Variants in ABLIM2 observed in about 807,000 individuals in gnomAD.
ABLIM2 encodes actin-binding LIM protein 2.
A neutral mutation model predicts 97.7 loss-of-function variants in ABLIM2; 53 were observed. That is an observed-to-expected ratio of 0.54 (90% CI 0.44 to 0.68). The LOEUF (loss-of-function observed/expected upper bound fraction) is 0.68. ABLIM2 is among the 30% of genes least tolerant of loss of function. The probability of loss-of-function intolerance (pLI) is 0.00; values close to 1 mark genes in which losing one functional copy is unlikely to be tolerated. For missense variants in ABLIM2, 835 were observed against 867.2 expected (o/e 0.96, Z 0.47); for synonymous variants, 361 against 345.8 (o/e 1.04, Z -0.49).
chr4:8,060,126 C>T (rs1802032924), intron 7 of ABLIM2, among the ~76,000 whole-genome samples: 3 of 152,098 alleles, frequency 2.0e-5, no homozygotes, highest in Non-Finnish European at 4.4e-5. Flanking sequence ...TGTGTTTCTT[C>T]CCCTTATAAG....
At position 8,045,034 on chromosome 4, in the gene ABLIM2, T is replaced by C; in HGVS notation, c.900+130A>G. 3 of 792,340 alleles carry C rather than the reference T, an allele frequency of 3.8e-6. No individual in the cohort carries two copies. The South Asian group carries it at 4.6e-5, about 12-fold the overall frequency. 49.1% of individuals were successfully genotyped at this position (792,340 alleles called of 1,614,324 possible). The stretch of plus-strand genomic sequence containing the variant: ...CACCCCGAAGCAGGGACAAGAGCAA[T>C]GGCCGTACCTCAGGCCCCAGATGAT... On this transcript the variant is annotated intron_variant, in intron 9 of 20. Coordinates refer to ENST00000447017, the MANE Select transcript of ABLIM2 (RefSeq NM_001130083.2).
chr4:8,058,054 G>A lies in ABLIM2; in HGVS notation c.763+2913C>T, dbSNP rs1179323979. On this transcript the variant is annotated intron_variant, in intron 7 of 20. Transcript: ENST00000447017. The surrounding 1 kb of genome is among the most constrained non-coding windows in gnomAD (Gnocchi z 4.2). The stretch of plus-strand genomic sequence containing the variant: ...CCACAGAACCTCACAGCAGAAGCGG[G>A]GGCTGGCCTCAGGCCAGTCCTGAAG... 2.0e-5 allele frequency among the ~76,000 whole-genome samples: 3 copies of A among 152,256 alleles called. No homozygotes were observed. Among genetic ancestry groups the A allele is most frequent in the Non-Finnish European group, 4.4e-5 (3 of 68,046 alleles).
At chr4:8,084,933 T>C (rs1399856830) in intron 4 of ABLIM2, among the ~76,000 whole-genome samples, 1 of 152,154 alleles carries the variant, frequency 6.6e-6, no homozygotes, top group Non-Finnish European at 1.5e-5. Flanking sequence ...ACGGCCGCCC[T>C]GTGACAGGCT....
rs1347028157 is a variant in ABLIM2, at chr4:8,147,767, C to T, written c.10+10913G>A. Among the ~76,000 whole-genome samples, 1 of 152,216 alleles carries T rather than the reference C, an allele frequency of 6.6e-6. No individual in the cohort carries two copies. Among genetic ancestry groups the T allele is most frequent in the African/African-American group, 2.4e-5 (1 of 41,454 alleles). On this transcript the variant is annotated intron_variant, in intron 1 of 20. Transcript: ENST00000447017. This position sits in a 1 kb window ranked among gnomAD's most constrained non-coding sequence, Gnocchi z 5.3. ...CGGACACTGACATTGAACTGCTGGCCTCCAGAGCTGGGAGGAAATGCCTTC... is the reference window on the plus strand; with the variant it reads ...CGGACACTGACATTGAACTGCTGGCTTCCAGAGCTGGGAGGAAATGCCTTC...
intron 9 of ABLIM2, among the ~76,000 whole-genome samples, chr4:8,039,420 AAC>A (rs1421162827): frequency 1.4e-4 from 22 of 152,280 alleles, no homozygotes; most frequent in African/African-American, 5.3e-4. Context: ...GCACGATGCC[AAC>A]AGCCCCTGCC....
At chr4:8,139,716 A>G (rs1196338697) in intron 1 of ABLIM2, among the ~76,000 whole-genome samples, 3 of 152,258 alleles carry the variant, frequency 2.0e-5, no homozygotes, top group Non-Finnish European at 4.4e-5. Context: ...ATCCAGAACC[A>G]GAAATACCAT....
Position 8,122,712 on chromosome 4 carries a change from G to A in ABLIM2, c.11-16075C>T, listed in dbSNP as rs909209699. 2.6e-5 allele frequency among the ~76,000 whole-genome samples: 4 copies of A among 152,134 alleles called. No homozygotes were observed. The highest frequency in any genetic ancestry group is 5.9e-5 in the Non-Finnish European group (4 of 68,022). The stretch of plus-strand genomic sequence containing the variant: ...CACTGTCAGACCCTACATGGTACTT[G>A]CCACTTTAGTCCACTTGCCACTTTA... On this transcript the variant is annotated intron_variant, in intron 1 of 20. Coordinates refer to ENST00000447017, the MANE Select transcript of ABLIM2 (RefSeq NM_001130083.2). This position sits in a 1 kb window ranked among gnomAD's most constrained non-coding sequence, Gnocchi z 4.1.
chr4:8,153,533 G>C (rs1713836222), intron 1 of ABLIM2, among the ~76,000 whole-genome samples: 1 of 152,168 alleles, frequency 6.6e-6, no homozygotes, highest in Non-Finnish European at 1.5e-5. Flanking sequence ...GGGGGGTCTG[G>C]CTTCTGCTGC....
chr4:8,085,143 G>C lies in ABLIM2; in HGVS notation c.454+3026C>G, dbSNP rs773587712. Among the ~76,000 whole-genome samples, 4 of 152,108 alleles carry C rather than the reference G, an allele frequency of 2.6e-5. No individual in the cohort carries two copies. The highest frequency in any genetic ancestry group is 5.9e-5 in the Non-Finnish European group (4 of 68,004). ...TAAGTGGCCTGCTTGGGGCAGCAGA[G>C]GGAAGCTCAGGGCCACGGGACTCAA... On this transcript the variant is annotated intron_variant, in intron 4 of 20. Transcript: ENST00000447017. This position sits in a 1 kb window ranked among gnomAD's most constrained non-coding sequence, Gnocchi z 6.1.
intron 1 of ABLIM2, among the ~76,000 whole-genome samples, chr4:8,114,482 G>C (rs1023952200): frequency 1.3e-5 from 2 of 152,154 alleles, no homozygotes; most frequent in African/African-American, 4.8e-5. Flanking sequence ...GTCATGCCTC[G>C]GTTTAAGAGC....
intron 20 of ABLIM2, among the ~76,000 whole-genome samples, chr4:7,969,485 C>G (rs1208137672): frequency 6.6e-6 from 1 of 151,996 alleles, no homozygotes; most frequent in African/African-American, 2.4e-5. Context: ...AACTCAAGTG[C>G]TATATTAGAA....
chr4:8,039,957 G>C (rs534277710), intron 9 of ABLIM2, among the ~76,000 whole-genome samples: 6 of 145,406 alleles, frequency 4.1e-5, no homozygotes, highest in Admixed American at 7.2e-5. Context: ...ATGTCCAAAA[G>C]CCCCATGGTT....
chr4:7,993,831 A>G, intron 16 of ABLIM2: 1 of 454,358 alleles, frequency 2.2e-6, no homozygotes. Flanking sequence ...GGCTGTCAGG[A>G]GGGGGCAGCC....
chr4:8,126,264 G>A (rs1847862364), intron 1 of ABLIM2, among the ~76,000 whole-genome samples: 1 of 152,166 alleles, frequency 6.6e-6, no homozygotes, highest in Non-Finnish European at 1.5e-5. Flanking sequence ...GCTGCCCAGA[G>A]ATGAGGCCCT....
chr4:8,076,851 T>G (rs569919417), intron 6 of ABLIM2, among the ~76,000 whole-genome samples: 2 of 1,770 alleles, frequency 1.1e-3, no homozygotes, highest in Non-Finnish European at 2.4e-3. Context: ...GGCTACAGGG[T>G]GGGGGGGTCT....
intron 1 of ABLIM2, among the ~76,000 whole-genome samples, chr4:8,154,797 C>G (rs1714720083): frequency 6.6e-6 from 1 of 152,140 alleles, no homozygotes; most frequent in Non-Finnish European, 1.5e-5. Flanking sequence ...TCTCATGCTG[C>G]CAATAAAGAC....
intron 4 of ABLIM2, among the ~76,000 whole-genome samples, chr4:8,084,048 G>A (rs1461362812): frequency 6.6e-6 from 1 of 151,926 alleles, no homozygotes; most frequent in Admixed American, 6.6e-5. Context: ...GGAGTAGGGG[G>A]GAGTCTCAGA....
chr4:8,054,272 A>G lies in ABLIM2; in HGVS notation c.764-26T>C, dbSNP rs1797680229. The G allele has an allele frequency of 1.9e-6, 3 of 1,613,058 alleles. No individual in the cohort carries two copies. The highest frequency in any genetic ancestry group is 2.5e-6 in the Non-Finnish European group (3 of 1,179,206). On this transcript the variant is annotated intron_variant, in intron 7 of 20. Transcript: ENST00000447017. This position sits in a 1 kb window ranked among gnomAD's most constrained non-coding sequence, Gnocchi z 4.9. ...CTGTTGACAAATTCCCAAGAGGGAAATGATTAGAGTTATTTCCCATGTTGC... is the reference window on the plus strand; with the variant it reads ...CTGTTGACAAATTCCCAAGAGGGAAGTGATTAGAGTTATTTCCCATGTTGC...
rs778115675 is a variant in ABLIM2 at position 8,077,687 on chromosome 4, C to A, written c.616G>T (p.Ala206Ser). Reference protein sequence around the residue: ...GLPYCEADYHAKFGIRCDSCE... With the variant: ...GLPYCEADYHSKFGIRCDSCE... ...CTGTCACAGCGGATGCCGAACTTGGCGTGATAGTCAGCTTCGCAGTAGGGC... is the reference window on the plus strand; with the variant it reads ...CTGTCACAGCGGATGCCGAACTTGGAGTGATAGTCAGCTTCGCAGTAGGGC... The change falls in exon 6 of 21, where the codon GCC (alanine) becomes TCC (serine). Residue 206 changes from alanine to serine, a missense_variant. Coordinates refer to ENST00000447017, the MANE Select transcript of ABLIM2 (RefSeq NM_001130083.2). 2 of 1,612,896 alleles carry A rather than the reference C, an allele frequency of 1.2e-6. No homozygotes were observed. The highest frequency in any genetic ancestry group is 2.2e-5 in the East Asian group (1 of 44,884).
Sources: gnomAD v4.1 joint callset for allele counts (sites outside exome capture counted in the v4.1 genomes callset) on GRCh38, gnomAD v4.1.1 for gene constraint, Gnocchi (gnomAD v3.1) non-coding constraint, MANE v1.5 for transcripts, NCBI Gene and HGNC (gene_info 2026-07-23, HGNC 2026-07-21) for gene names.